NECTIN3: variants seen among roughly 807,000 people sequenced by gnomAD.
NECTIN3 encodes nectin cell adhesion molecule 3.
NECTIN3 carries 8 observed loss-of-function variants against 49.4 expected under a neutral mutation model. The observed-to-expected ratio is 0.16, with a 90% confidence interval of 0.10 to 0.29. NECTIN3 has a LOEUF of 0.29. NECTIN3 is among the 10% of genes least tolerant of loss of function. NECTIN3 has a pLI of 1.00. For missense variants in NECTIN3, 581 were observed against 654.6 expected, an observed-to-expected ratio of 0.89 and a Z score of 1.23; for synonymous variants, 277 against 241.1, an observed-to-expected ratio of 1.15 and a Z score of -1.38.
intron 7 of NECTIN3, among the ~76,000 whole-genome samples, chr3:111,153,097 A>G (rs941661515): frequency 1.3e-5 from 2 of 151,968 alleles, no homozygotes; most frequent in African/African-American, 2.4e-5. Flanking sequence ...AGAGAAGTAT[A>G]TGACTGAGTG....
intron 7 of NECTIN3, among the ~76,000 whole-genome samples, chr3:111,174,468 G>A (rs1298317190): frequency 6.6e-6 from 1 of 151,986 alleles, no homozygotes; most frequent in Non-Finnish European, 1.5e-5. Flanking sequence ...ATAAATATAT[G>A]GAATATGTAC....
intron 1 of NECTIN3, chr3:111,074,277 G>T (rs1231762509): frequency 2.2e-6 from 1 of 456,094 alleles, no homozygotes; most frequent in African/African-American, 2.0e-5. Flanking sequence ...ACAAGTTGTT[G>T]ATTTAACTAC....
At chr3:111,161,135 G>A (rs1311388493) in intron 7 of NECTIN3, among the ~76,000 whole-genome samples, 1 of 152,218 alleles carries the variant, frequency 6.6e-6, no homozygotes, top group Non-Finnish European at 1.5e-5. Context: ...AGGGAGAAAT[G>A]TTAGATATAT....
intron 1 of NECTIN3, among the ~76,000 whole-genome samples, chr3:111,102,203 T>C (rs2032943764): frequency 1.3e-5 from 2 of 152,120 alleles, no homozygotes; most frequent in Admixed American, 6.6e-5. Flanking sequence ...TTTTGGCAGT[T>C]TTCAAGAATG....
chr3:111,093,368 G>A (rs549818973), intron 1 of NECTIN3, among the ~76,000 whole-genome samples: 1 of 151,304 alleles, frequency 6.6e-6, no homozygotes, highest in Non-Finnish European at 1.5e-5. Context: ...TTTTAAAGGT[G>A]TTCATGCACA....
chr3:111,127,332 C>T (rs2034203349), intron 5 of NECTIN3, among the ~76,000 whole-genome samples: 1 of 152,162 alleles, frequency 6.6e-6, no homozygotes, highest in African/African-American at 2.4e-5. Flanking sequence ...GCACTCACCA[C>T]AGTTTTTAGT....
At chr3:111,162,237 A>C (rs1217349281) in intron 7 of NECTIN3, among the ~76,000 whole-genome samples, 1 of 152,194 alleles carries the variant, frequency 6.6e-6, no homozygotes, top group Non-Finnish European at 1.5e-5. Context: ...AAAAGGAAAT[A>C]GTTGGCACTT....
chr3:111,176,344 G>A (rs886991086), intron 7 of NECTIN3, among the ~76,000 whole-genome samples: 1 of 152,138 alleles, frequency 6.6e-6, no homozygotes, highest in Non-Finnish European at 1.5e-5. Context: ...TCCTTTTAAA[G>A]TCACTGGTGC....
intron 1 of NECTIN3, among the ~76,000 whole-genome samples, chr3:111,105,216 C>T (rs2033124865): frequency 1.3e-5 from 2 of 150,708 alleles, no homozygotes; most frequent in South Asian, 4.2e-4. Flanking sequence ...GATCTTGGCT[C>T]ATTGCAACCT....
At chr3:111,098,525 T>TC (rs1268253128) in intron 1 of NECTIN3, among the ~76,000 whole-genome samples, 1 of 152,204 alleles carries the variant, frequency 6.6e-6, no homozygotes, top group African/African-American at 2.4e-5. Flanking sequence ...TACATGGCCT[T>TC]CTCATCTCTC....
At chr3:111,113,328 T>G (rs181335418) in intron 2 of NECTIN3, among the ~76,000 whole-genome samples, 38 of 152,300 alleles carry the variant, frequency 2.5e-4, no homozygotes, top group African/African-American at 9.1e-4. Flanking sequence ...CTCCCCTTAC[T>G]CAATTCATTC....
At position 111,132,024 on chromosome 3, in the gene NECTIN3, G is replaced by C. The variant is rs542421437; in HGVS notation, c.1070-1611G>C. On this transcript the variant is annotated intron_variant, in intron 5 of 5. Transcript: ENST00000485303. ...TGCTTCCTCAGAAAATACATGAATC[G>C]TCTTATTTAATTTTTAGTCTATATT... 2.6e-5 allele frequency among the ~76,000 whole-genome samples: 4 copies of C among 151,672 alleles called. No individual in the cohort carries two copies. The South Asian group carries it at 8.3e-4, about 31-fold the overall frequency.
chr3:111,105,299 A>G (rs1357763690), intron 1 of NECTIN3, among the ~76,000 whole-genome samples: 1 of 151,716 alleles, frequency 6.6e-6, no homozygotes, highest in Non-Finnish European at 1.5e-5. Context: ...ATGCCTGGCT[A>G]ACTTACTATT....
intron 4 of NECTIN3, among the ~76,000 whole-genome samples, chr3:111,125,346 A>C (rs1276680125): frequency 1.3e-5 from 2 of 151,134 alleles, no homozygotes; most frequent in African/African-American, 2.5e-5. Context: ...CTTTAAAAAA[A>C]CCAAAAACAA....
At chr3:111,072,398 G>T (rs2030834040) in intron 1 of NECTIN3, 7 of 1,515,648 alleles carry the variant, frequency 4.6e-6, no homozygotes, top group Middle Eastern at 1.7e-4. Flanking sequence ...CCTCCCCCGC[G>T]GCCGCGCGGG....
At chr3:111,193,515 T>C (rs1402616730) in intron 1 of NECTIN3, 2 of 1,022,846 alleles carry the variant, frequency 2.0e-6, no homozygotes, top group Admixed American at 2.9e-5. Flanking sequence ...TCTTAATGAA[T>C]GACGTAAAGC....
At chr3:111,095,797 T>G (rs1576091830) in intron 1 of NECTIN3, among the ~76,000 whole-genome samples, 1 of 152,320 alleles carries the variant, frequency 6.6e-6, no homozygotes, top group South Asian at 2.1e-4. Context: ...AAGATGTGAC[T>G]TGCTCCTTGT....
At chr3:111,115,595 C>T (rs1374164442) in intron 2 of NECTIN3, among the ~76,000 whole-genome samples, 1 of 152,180 alleles carries the variant, frequency 6.6e-6, no homozygotes, top group Non-Finnish European at 1.5e-5. Context: ...GTTTGAGAAA[C>T]ACTGCTTTGA....
At chr3:111,123,920 T>C (rs2034056307) in intron 4 of NECTIN3, among the ~76,000 whole-genome samples, 1 of 152,316 alleles carries the variant, frequency 6.6e-6, no homozygotes, top group East Asian at 1.9e-4. Context: ...ATATTGTTTT[T>C]TAAATCTATT....
Sources: allele counts gnomAD v4.1 joint callset (sites outside exome capture counted in the v4.1 genomes callset), GRCh38; gene constraint gnomAD v4.1.1; transcripts MANE v1.5; gene names NCBI Gene and HGNC (gene_info 2026-07-23, HGNC 2026-07-21).